Variants in DNAJC25 observed in about 807,000 individuals in gnomAD.
The protein encoded by DNAJC25 is dnaJ homolog subfamily C member 25.
A neutral mutation model predicts 42.1 loss-of-function variants in DNAJC25; 26 were observed. The observed-to-expected ratio is 0.62, with a 90% CI of 0.45 to 0.86. DNAJC25 has a LOEUF of 0.86. DNAJC25 is among the 40% of genes least tolerant of loss of function. DNAJC25 has a pLI of 0.00. For missense variants in DNAJC25, 404 were observed against 459.4 expected (o/e 0.88, Z 1.10); for synonymous variants, 189 against 179.9 (o/e 1.05, Z -0.40).
intron 1 of DNAJC25, among the ~76,000 whole-genome samples, chr9:111,646,119 G>T (rs1830565195): frequency 6.6e-6 from 1 of 152,110 alleles, no homozygotes; most frequent in Admixed American, 6.5e-5. Flanking sequence ...CTCATATATA[G>T]AGATTAAATA....
At chr9:111,650,606 A>T (rs1830644632) in intron 3 of DNAJC25, among the ~76,000 whole-genome samples, 1 of 152,178 alleles carries the variant, frequency 6.6e-6, no homozygotes, top group Admixed American at 6.5e-5. Flanking sequence ...GATAAAATTC[A>T]TTGGCTATTA....
chr9:111,644,737 A>C (rs944541262), intron 1 of DNAJC25, among the ~76,000 whole-genome samples: 1 of 152,262 alleles, frequency 6.6e-6, no homozygotes, highest in Non-Finnish European at 1.5e-5. Flanking sequence ...GGCATCTGTC[A>C]TGATTGGGAT....
chr9:111,631,755 G>T lies in DNAJC25; in HGVS notation c.336+12G>T. ...ACGAGACACTCAAGGTGAGGCCTGC[G>T]GGCGTGGAGGGGCTTCGAAGACTGG... On this transcript the variant is annotated intron_variant, in intron 1 of 3. Transcript: ENST00000313525. 6.7e-7 allele frequency: 1 copy of T among 1,503,316 alleles called. No individual in the cohort carries two copies. The highest frequency in any genetic ancestry group is 1.2e-5 in the South Asian group (1 of 82,300). 93.1% of individuals were successfully genotyped at this position (1,503,316 alleles called of 1,614,324 possible).
At chr9:111,635,665 G>A (rs1830352296) in intron 1 of DNAJC25, among the ~76,000 whole-genome samples, 1 of 152,168 alleles carries the variant, frequency 6.6e-6, no homozygotes, top group African/African-American at 2.4e-5. Flanking sequence ...ATGCAAAAGC[G>A]TAGAATTTGA....
intron 1 of DNAJC25, among the ~76,000 whole-genome samples, chr9:111,638,543 A>G (rs1266580905): frequency 6.6e-6 from 1 of 152,176 alleles, no homozygotes; most frequent in Non-Finnish European, 1.5e-5. Context: ...AAAATCTTCC[A>G]CAAGTTTTCC....
chr9:111,650,782 C>G (rs1176073060), intron 3 of DNAJC25, among the ~76,000 whole-genome samples: 1 of 152,136 alleles, frequency 6.6e-6, no homozygotes, highest in African/African-American at 2.4e-5. Context: ...AGGCATCAGC[C>G]ACTGCACCCA....
rs778112296 is a variant in DNAJC25 at position 111,649,891 on chromosome 9, A to C, written c.928A>C (p.Lys310Gln). 1.6e-5 allele frequency: 25 copies of C among 1,594,836 alleles called. No individual in the cohort carries two copies. The highest frequency in any genetic ancestry group is 1.5e-5 in the Non-Finnish European group (18 of 1,174,086). The change falls in exon 3 of 4, where the codon AAA becomes CAA. Residue 310 changes from lysine (K) to glutamine (Q), a missense_variant. Transcript: ENST00000313525. ...LEDHQKETFL[K>Q]RELWIKENYE... Reference sequence around the variant, plus strand: ...AGATCATCAGAAAGAAACTTTTCTTAAACGAGAGCTCTGGATCAAGGAGAA... The same window carrying C: ...AGATCATCAGAAAGAAACTTTTCTTCAACGAGAGCTCTGGATCAAGGAGAA...
At chr9:111,640,083 C>T (rs1488144095) in intron 1 of DNAJC25, among the ~76,000 whole-genome samples, 2 of 151,328 alleles carry the variant, frequency 1.3e-5, no homozygotes, top group Non-Finnish European at 3.0e-5. Context: ...ATTGCAGGCA[C>T]GCGCCGCCAC....
intron 3 of DNAJC25, among the ~76,000 whole-genome samples, chr9:111,650,259 C>G (rs1189665825): frequency 6.6e-6 from 1 of 150,752 alleles, no homozygotes; most frequent in Non-Finnish European, 1.5e-5. Flanking sequence ...TGGCCCTTCC[C>G]AAGTTTTCTT....
intron 1 of DNAJC25, among the ~76,000 whole-genome samples, chr9:111,645,412 G>A (rs1026170009): frequency 3.3e-5 from 5 of 151,998 alleles, no homozygotes; most frequent in Admixed American, 2.0e-4. Context: ...AAGCCACCAC[G>A]ACTGGCTAAT....
chr9:111,638,149 ATATAAT>A (rs1220494348), intron 1 of DNAJC25, among the ~76,000 whole-genome samples: 4 of 152,342 alleles, frequency 2.6e-5, no homozygotes, highest in African/African-American at 9.6e-5. Context: ...TCAAAAGAAG[ATATAAT>A]TATGACTCTC....
intron 1 of DNAJC25, 94 bp from the exon 2 acceptor site, chr9:111,647,013 A>G (rs1360219696): frequency 1.5e-5 from 20 of 1,338,544 alleles, no homozygotes; most frequent in Non-Finnish European, 2.0e-5. Context: ...TTAACCTTAC[A>G]TAATTATAAA....
Position 111,649,845 on chromosome 9 carries a change from G to A in DNAJC25, c.882G>A (p.Lys294=), listed in dbSNP as rs1410531854. Residue 294 remains lysine, a synonymous_variant, in exon 3 of 4, where the codon AAG becomes AAA. Coordinates refer to ENST00000313525, the MANE Select transcript of DNAJC25 (RefSeq NM_001015882.3). The part of the protein sequence containing the change: ...YIIRKSMKMS[K]SQFDSLEDHQ... The stretch of plus-strand genomic sequence containing the variant: ...TACGTAAATCTATGAAGATGTCAAA[G>A]TCTCAATTTGATAGTCTAGAAGATC... The A allele has an allele frequency of 3.1e-6, 5 of 1,612,200 alleles. No homozygotes were observed. The highest frequency in any genetic ancestry group is 1.7e-5 in the Admixed American group (1 of 59,690).
chr9:111,651,913 GT>G (rs1210217899), intron 3 of DNAJC25, among the ~76,000 whole-genome samples: 3 of 151,706 alleles, frequency 2.0e-5, no homozygotes, highest in African/African-American at 7.3e-5. Context: ...TAACTCTGTG[GT>G]TTATTTAACC....
Position 111,651,303 on chromosome 9 carries a change from G to A in DNAJC25, c.960+1380G>A, listed in dbSNP as rs184320734. Among the ~76,000 whole-genome samples, 65 of 150,180 alleles carry A rather than the reference G, an allele frequency of 4.3e-4. No homozygotes were observed. In the East Asian group the frequency reaches 9.6e-3, roughly 22 times the overall value. On this transcript the variant is annotated intron_variant, in intron 3 of 3. Coordinates refer to ENST00000313525, the MANE Select transcript of DNAJC25 (RefSeq NM_001015882.3). ...AAAAAAAATGTTATTTAGTTACAGC[G>A]TACCAGTTAGCCAGTTAGCTCCTAA...
chr9:111,650,313 A>C (rs77672911), intron 3 of DNAJC25, among the ~76,000 whole-genome samples: 1 of 150,342 alleles, frequency 6.7e-6, no homozygotes, highest in Admixed American at 6.6e-5. Flanking sequence ...AAAAAAAAAA[A>C]ACAACAGAGT....
chr9:111,649,400 T>A, intron 2 of DNAJC25, 53 bp from the exon 3 acceptor site: 2 of 1,479,438 alleles, frequency 1.4e-6, no homozygotes, highest in Admixed American at 5.3e-5. Context: ...TCCTTTAATT[T>A]AGATGAATTT....
chr9:111,648,646 C>T (rs1285037418), intron 2 of DNAJC25, among the ~76,000 whole-genome samples: 4 of 152,050 alleles, frequency 2.6e-5, no homozygotes, highest in Admixed American at 6.5e-5. Context: ...ATTTGTAGAA[C>T]GATTTACCCT....
chr9:111,647,381 GT>G, intron 2 of DNAJC25, 122 bp downstream of exon 2: 1 of 1,271,242 alleles, frequency 7.9e-7, no homozygotes, highest in Non-Finnish European at 1.1e-6. Context: ...GTTGAGATCT[GT>G]TTTAGTCATT....
Sources: gnomAD v4.1 joint callset for allele counts (sites outside exome capture counted in the v4.1 genomes callset) on GRCh38, gnomAD v4.1.1 for gene constraint, MANE v1.5 for transcripts, NCBI Gene and HGNC (gene_info 2026-07-23, HGNC 2026-07-21) for gene names.